The following YES1 variants were observed in gnomAD, a reference collection of about 807,000 sequenced individuals.
The protein encoded by YES1 is YES proto-oncogene 1, Src family tyrosine kinase.
Under a neutral mutation model 70.4 loss-of-function variants are expected in YES1, and 39 were observed. The ratio of observed to expected loss-of-function variants is 0.55; its 90% CI spans 0.43 to 0.72. The LOEUF is 0.72. Among genes scored for constraint, YES1 ranks in the 30% least tolerant of loss-of-function variants. YES1 has a pLI of 0.00. For missense variants in YES1, 495 were observed against 644.8 expected, an observed-to-expected ratio of 0.77 and a Z score of 2.52; for synonymous variants, 198 against 218.6, an observed-to-expected ratio of 0.91 and a Z score of 0.83.
intron 2 of YES1, among the ~76,000 whole-genome samples, chr18:754,470 G>T (rs1179078909): frequency 1.3e-5 from 2 of 152,074 alleles, no homozygotes; most frequent in Non-Finnish European, 2.9e-5. Context: ...ACTTTGGGAG[G>T]CCAAGGCAGG....
chr18:726,528 C>T (rs141971774), intron 11 of YES1, among the ~76,000 whole-genome samples: 2,020 of 151,998 alleles, frequency 0.013, 40 homozygotes, highest in African/African-American at 0.046. Context: ...CATCTGTAAT[C>T]CCAGCACTTT....
intron 1 of YES1, among the ~76,000 whole-genome samples, chr18:791,956 G>A (rs1210162943): frequency 6.6e-6 from 1 of 151,800 alleles, no homozygotes; most frequent in African/African-American, 2.4e-5. Flanking sequence ...TCGAAATCGG[G>A]TGTGTATTTT....
chr18:764,033 T>C (rs1490561674), intron 1 of YES1, among the ~76,000 whole-genome samples: 1 of 148,542 alleles, frequency 6.7e-6, no homozygotes, highest in Non-Finnish European at 1.5e-5. Flanking sequence ...GGCAGGAGAA[T>C]GGCATGAACC....
chr18:782,859 T>G (rs2145800186), intron 1 of YES1, among the ~76,000 whole-genome samples: 1 of 152,260 alleles, frequency 6.6e-6, no homozygotes, highest in South Asian at 2.1e-4. Context: ...CATGCCCGGC[T>G]AATTTTTGTA....
At chr18:779,379 C>T (rs1598929977) in intron 1 of YES1, among the ~76,000 whole-genome samples, 1 of 141,796 alleles carries the variant, frequency 7.1e-6, no homozygotes, top group South Asian at 2.2e-4. Context: ...ACTCCAGCCT[C>T]GGAGACAGAG....
chr18:805,997 T>C (rs530485080), intron 1 of YES1, among the ~76,000 whole-genome samples: 1 of 152,300 alleles, frequency 6.6e-6, no homozygotes, highest in African/African-American at 2.4e-5. Flanking sequence ...GGGTCAGTAC[T>C]TTTCCTCCTA....
chr18:732,548 A>G lies in YES1; in HGVS notation c.1423+286T>C, dbSNP rs915122592. 2.0e-5 allele frequency among the ~76,000 whole-genome samples: 3 copies of G among 151,936 alleles called. No individual in the cohort carries two copies. The East Asian group carries it at 5.8e-4, about 29-fold the overall frequency. ...ATTTAAGATATGTTTATTATCTGAG[A>G]GAACAGTAAGAGGCCCCTTTGGAAA... On this transcript the variant is annotated intron_variant, in intron 11 of 11. Coordinates refer to ENST00000314574, the MANE Select transcript of YES1 (RefSeq NM_005433.4).
At chr18:776,623 G>A (rs919260826) in intron 1 of YES1, among the ~76,000 whole-genome samples, 2 of 152,122 alleles carry the variant, frequency 1.3e-5, no homozygotes, top group Non-Finnish European at 1.5e-5. Flanking sequence ...CCAGAACCTA[G>A]AAGACAGTCT....
At position 767,295 on chromosome 18, in the gene YES1, G is replaced by A. The variant is rs567521595; in HGVS notation, c.-8-10460C>T. 7.9e-5 allele frequency among the ~76,000 whole-genome samples: 12 copies of A among 152,114 alleles called. 1 individual carries two copies. In the South Asian group the frequency reaches 2.1e-3, roughly 26 times the overall value. ...CTTCTGAGCAGCTGGGACTATAGGC[G>A]AGCACCACCACGCCTGGCTCATTTT... On this transcript the variant is annotated intron_variant, in intron 1 of 11. Coordinates refer to ENST00000314574, the MANE Select transcript of YES1 (RefSeq NM_005433.4).
At chr18:736,091 G>C (rs1018765312) in intron 10 of YES1, 1 of 152,796 alleles carries the variant, frequency 6.5e-6, no homozygotes, top group Admixed American at 6.6e-5. Context: ...AGGATCACCT[G>C]AGCCCCAGGA....
chr18:784,082 C>T (rs568231498), intron 1 of YES1, among the ~76,000 whole-genome samples: 24 of 152,286 alleles, frequency 1.6e-4, no homozygotes, highest in African/African-American at 5.5e-4. Context: ...TTTTAACACA[C>T]ATGTTGTCAT....
chr18:807,871 TAAAAGAAGC>T (rs1907178012), intron 1 of YES1, among the ~76,000 whole-genome samples: 1 of 151,876 alleles, frequency 6.6e-6, no homozygotes, highest in African/African-American at 2.4e-5. Context: ...TAAACAACAA[TAAAAGAAGC>T]AATTCTAAGA....
intron 3 of YES1, 48 bp downstream of exon 3, chr18:751,657 A>C: frequency 7.9e-7 from 1 of 1,268,582 alleles, no homozygotes; most frequent in Non-Finnish European, 1.1e-6. Flanking sequence ...CTGTGTAAAG[A>C]CCAGATTTCT....
chr18:727,305 G>A (rs1418565616), intron 11 of YES1, among the ~76,000 whole-genome samples: 1 of 152,092 alleles, frequency 6.6e-6, no homozygotes, highest in Non-Finnish European at 1.5e-5. Flanking sequence ...AGGATTTGCA[G>A]AGTATAACTT....
chr18:731,545 T>C (rs62091709), intron 11 of YES1, among the ~76,000 whole-genome samples: 15,776 of 152,240 alleles, frequency 0.1, 972 homozygotes, highest in East Asian at 0.27. Flanking sequence ...GATTAAATTT[T>C]ATATGCTTTC....
intron 3 of YES1, among the ~76,000 whole-genome samples, chr18:750,223 C>T (rs534911910): frequency 1.3e-5 from 2 of 152,296 alleles, no homozygotes; most frequent in South Asian, 4.1e-4. Flanking sequence ...TAAGCACTTT[C>T]AGATACACAA....
At chr18:742,755 C>T (rs1471553094) in intron 8 of YES1, among the ~76,000 whole-genome samples, 163 bp downstream of exon 8, 1 of 152,206 alleles carries the variant, frequency 6.6e-6, no homozygotes, top group Non-Finnish European at 1.5e-5. Flanking sequence ...TCTGGAATAA[C>T]TGGATAATCA....
At chr18:791,714 T>C (rs956798817) in intron 1 of YES1, among the ~76,000 whole-genome samples, 8 of 152,226 alleles carry the variant, frequency 5.3e-5, no homozygotes, top group African/African-American at 1.7e-4. Context: ...ATGCAATTAA[T>C]ATTTAATAGT....
chr18:774,721 T>G (rs1000727308), intron 1 of YES1, among the ~76,000 whole-genome samples: 3 of 152,210 alleles, frequency 2.0e-5, no homozygotes, highest in African/African-American at 4.8e-5. Flanking sequence ...ATAGCCTAAC[T>G]GGTCTCCCAG....
Sources: gnomAD v4.1 joint callset for allele counts (sites outside exome capture counted in the v4.1 genomes callset) on GRCh38, gnomAD v4.1.1 for gene constraint, MANE v1.5 for transcripts, NCBI Gene and HGNC (gene_info 2026-07-23, HGNC 2026-07-21) for gene names.